Variants in CCNH observed in about 807,000 individuals in gnomAD.
CCNH encodes cyclin H, also known as cyclin-H.
In CCNH, 31 loss-of-function variants were observed where a neutral mutation model predicts 41.9. The ratio of observed to expected loss-of-function variants is 0.74; its 90% CI spans 0.56 to 1.00. The LOEUF (loss-of-function observed/expected upper bound fraction) is 1.00, where lower values mean the gene tolerates loss of function less well. Among genes scored for constraint, CCNH ranks in the 50% least tolerant of loss-of-function variants. The probability of loss-of-function intolerance (pLI) is 0.00; values close to 1 mark genes in which losing one functional copy is unlikely to be tolerated. For missense variants in CCNH, 362 were observed against 388.4 expected, an observed-to-expected ratio of 0.93 and a Z score of 0.57; for synonymous variants, 138 against 136.1, an observed-to-expected ratio of 1.01 and a Z score of -0.10.
At chr5:87,369,985 C>T (rs1408803724) in intron 9 of CCNH, 2 of 1,147,056 alleles carry the variant, frequency 1.7e-6, no homozygotes, top group Admixed American at 1.9e-5. Flanking sequence ...TGATCGCATT[C>T]AAGATAAAGT....
intron 9 of CCNH, among the ~76,000 whole-genome samples, chr5:87,355,326 A>G (rs1759570185): frequency 6.6e-6 from 1 of 152,188 alleles, no homozygotes; most frequent in Admixed American, 6.5e-5. Flanking sequence ...GGTTGAAACC[A>G]ATTATCGTTG....
chr5:87,371,374 G>C (rs575049627), downstream of CCNH, among the ~76,000 whole-genome samples: 2 of 151,976 alleles, frequency 1.3e-5, no homozygotes, highest in Non-Finnish European at 1.5e-5. Flanking sequence ...CATTGAAATA[G>C]CCAACAAACT....
intron 9 of CCNH, among the ~76,000 whole-genome samples, chr5:87,326,879 T>C (rs1757270488): frequency 1.3e-5 from 2 of 152,162 alleles, no homozygotes; most frequent in African/African-American, 2.4e-5. Flanking sequence ...GAAAAAAAGA[T>C]TGGTTTCTCC....
intron 9 of CCNH, among the ~76,000 whole-genome samples, chr5:87,350,520 C>T (rs549369179): frequency 2.2e-4 from 34 of 151,192 alleles, no homozygotes; most frequent in African/African-American, 6.8e-4. Context: ...TTTTGAAGTT[C>T]GTTTTGTTAC....
downstream of CCNH, among the ~76,000 whole-genome samples, chr5:87,371,636 C>T (rs1021526050): frequency 3.3e-5 from 5 of 152,032 alleles, no homozygotes; most frequent in Non-Finnish European, 7.4e-5. Context: ...GTATCATGGT[C>T]TAAAGTATAG....
chr5:87,388,251 T>C (rs1290516103), downstream of CCNH, among the ~76,000 whole-genome samples: 1 of 152,212 alleles, frequency 6.6e-6, no homozygotes, highest in East Asian at 1.9e-4. Flanking sequence ...GTAACTGTGT[T>C]TCTCTGTCCC....
intron 1 of CCNH, 157 bp downstream of exon 1, chr5:87,412,521 C>A (rs1263387983): frequency 6.9e-7 from 1 of 1,439,848 alleles, no homozygotes. Flanking sequence ...ACCCACGGAA[C>A]CTGGCAAGGT....
intron 9 of CCNH, among the ~76,000 whole-genome samples, chr5:87,382,541 G>A (rs957436504): frequency 2.6e-5 from 4 of 152,108 alleles, no homozygotes; most frequent in African/African-American, 7.2e-5. Flanking sequence ...CAAGTAAGAG[G>A]TTAATTATTA....
chr5:87,321,324 A>G (rs1756788123), intron 9 of CCNH, among the ~76,000 whole-genome samples: 2 of 152,164 alleles, frequency 1.3e-5, no homozygotes, highest in African/African-American at 4.8e-5. Context: ...CAAATAAGCA[A>G]TCAGTTCTAC....
intron 9 of CCNH, among the ~76,000 whole-genome samples, chr5:87,324,766 A>G (rs1157860510): frequency 6.6e-6 from 1 of 152,118 alleles, no homozygotes; most frequent in Non-Finnish European, 1.5e-5. Flanking sequence ...AGTGATGTGT[A>G]GTTGGTCTAA....
At chr5:87,363,203 T>A (rs1440406237) in intron 9 of CCNH, 4 of 763,800 alleles carry the variant, frequency 5.2e-6, no homozygotes, top group Non-Finnish European at 8.3e-6. Context: ...GTTATAGGCA[T>A]TTTCTCATTA....
chr5:87,407,502 G>A (rs1409873779), intron 4 of CCNH, among the ~76,000 whole-genome samples: 1 of 152,094 alleles, frequency 6.6e-6, no homozygotes, highest in African/African-American at 2.4e-5. Flanking sequence ...GTTTGTTTAC[G>A]TATATTATTG....
intron 9 of CCNH, among the ~76,000 whole-genome samples, chr5:87,338,536 A>ATATATTT: frequency 2.0e-4 from 17 of 85,212 alleles, no homozygotes; most frequent in African/African-American, 4.0e-4. Flanking sequence ...TATATATAAA[A>ATATATTT]TTTTTTTTTT....
chr5:87,405,084 C>T, intron 4 of CCNH, 77 bp from the exon 5 acceptor site: 1 of 1,005,802 alleles, frequency 9.9e-7, no homozygotes, highest in Non-Finnish European at 1.5e-6. Flanking sequence ...AATTACACAA[C>T]TCCTATTAAG....
intron 6 of CCNH, 141 bp from the exon 7 acceptor site, chr5:87,399,646 G>GCATTTCATTCTA: frequency 1.6e-6 from 1 of 643,454 alleles, no homozygotes. Flanking sequence ...GCATCATTCT[G>GCATTTCATTCTA]CATTTCATTC....
downstream of CCNH, among the ~76,000 whole-genome samples, chr5:87,315,248 A>T (rs1405799716): frequency 2.6e-5 from 4 of 152,216 alleles, no homozygotes; most frequent in African/African-American, 9.6e-5. Flanking sequence ...ACAATTTTGG[A>T]TGCTGGGAAG....
upstream of CCNH, chr5:87,379,691 G>C: frequency 6.2e-7 from 1 of 1,602,222 alleles, no homozygotes; most frequent in South Asian, 1.1e-5. Flanking sequence ...ATTTGCATTT[G>C]TCATTGCCAA....
chr5:87,376,026 T>A (rs1032242209), downstream of CCNH, among the ~76,000 whole-genome samples: 5 of 152,306 alleles, frequency 3.3e-5, no homozygotes, highest in East Asian at 9.6e-4. Context: ...CTGTTTAAAG[T>A]GGAGTTTTCA....
chr5:87,357,704 CA>C (rs5869396), intron 9 of CCNH, among the ~76,000 whole-genome samples: 1 of 149,886 alleles, frequency 6.7e-6, no homozygotes, highest in Non-Finnish European at 1.5e-5. Flanking sequence ...GATTCCATCT[CA>C]AAAAAAAAGA....
Sources: gnomAD v4.1 joint callset for allele counts (sites outside exome capture counted in the v4.1 genomes callset) on GRCh38, gnomAD v4.1.1 for gene constraint, MANE v1.5 for transcripts, NCBI Gene and HGNC (gene_info 2026-07-23, HGNC 2026-07-21) for gene names.